Variants in MAGI2 observed in about 807,000 individuals in gnomAD.
MAGI2 encodes the protein membrane associated guanylate kinase, WW and PDZ domain containing 2.
MAGI2 carries 35 observed loss-of-function variants against 133.3 expected under a neutral mutation model. The ratio of observed to expected loss-of-function variants is 0.26; its 90% CI spans 0.20 to 0.35. MAGI2 has a LOEUF of 0.35. MAGI2 is among the 10% of genes least tolerant of loss of function. MAGI2 has a pLI of 1.00. For missense variants in MAGI2, 1,636 were observed against 1,863.4 expected (o/e 0.88, Z 2.25); for synonymous variants, 729 against 710.6 (o/e 1.03, Z -0.41).
At chr7:79,288,918 G>T (rs967488822) in intron 1 of MAGI2, among the ~76,000 whole-genome samples, 3 of 151,964 alleles carry the variant, frequency 2.0e-5, no homozygotes, top group Non-Finnish European at 4.4e-5. Flanking sequence ...GTGCAGTTAT[G>T]GTCCCATAGG....
intron 6 of MAGI2, among the ~76,000 whole-genome samples, chr7:78,383,986 G>T (rs1173562784): frequency 6.6e-6 from 1 of 151,614 alleles, no homozygotes; most frequent in Non-Finnish European, 1.5e-5. Context: ...ATGTTGTTTT[G>T]GTTACCATAC....
chr7:78,450,465 C>G (rs999829172), intron 6 of MAGI2, among the ~76,000 whole-genome samples: 7 of 152,044 alleles, frequency 4.6e-5, no homozygotes, highest in Admixed American at 3.9e-4. Flanking sequence ...CATAATTTTG[C>G]TTTCATTAAT....
intron 1 of MAGI2, among the ~76,000 whole-genome samples, chr7:79,306,746 T>C (rs1417793489): frequency 1.3e-5 from 2 of 152,186 alleles, no homozygotes; most frequent in African/African-American, 2.4e-5. Flanking sequence ...TGAGATTCTA[T>C]GAAGTATTTG....
chr7:79,092,402 T>C (rs1817145369), intron 1 of MAGI2, among the ~76,000 whole-genome samples: 3 of 152,254 alleles, frequency 2.0e-5, no homozygotes, highest in Admixed American at 1.3e-4. Flanking sequence ...ATGATTTTGA[T>C]ATTAAAAACC....
chr7:79,296,804 G>T (rs1395123141), intron 1 of MAGI2, among the ~76,000 whole-genome samples: 1 of 152,114 alleles, frequency 6.6e-6, no homozygotes, highest in Non-Finnish European at 1.5e-5. Flanking sequence ...AGACATTCTG[G>T]TGTTCTACTT....
intron 16 of MAGI2, among the ~76,000 whole-genome samples, chr7:78,154,640 G>T (rs1359335122): frequency 6.6e-6 from 1 of 152,064 alleles, no homozygotes; most frequent in African/African-American, 2.4e-5. Context: ...TGCCATGTGT[G>T]TCTACCTCAT....
intron 1 of MAGI2, among the ~76,000 whole-genome samples, chr7:79,190,418 T>A (rs1000326738): frequency 2.6e-5 from 4 of 151,938 alleles, no homozygotes; most frequent in Non-Finnish European, 5.9e-5. Context: ...CATCTGTATA[T>A]CTTCTTTGTT....
chr7:78,878,249 G>GA (rs1486939644), intron 2 of MAGI2, among the ~76,000 whole-genome samples: 7 of 152,126 alleles, frequency 4.6e-5, no homozygotes, highest in Non-Finnish European at 8.8e-5. Flanking sequence ...CTCATACTTA[G>GA]AAAAAACCTG....
chr7:78,317,622 C>T (rs62463921), intron 9 of MAGI2, among the ~76,000 whole-genome samples: 34,076 of 152,190 alleles, frequency 0.22, 5,057 homozygotes, highest in African/African-American at 0.4. Context: ...TCTCCCAGCA[C>T]AGCATTCGAG....
chr7:79,033,885 T>C (rs73367289), intron 1 of MAGI2, among the ~76,000 whole-genome samples: 1 of 152,186 alleles, frequency 6.6e-6, no homozygotes, highest in Non-Finnish European at 1.5e-5. Context: ...AGTAATTTTA[T>C]ATCTTTGAGT....
At chr7:79,452,831 G>T in intron 1 of MAGI2, 189 bp downstream of exon 1, 1 of 615,368 alleles carries the variant, frequency 1.6e-6, no homozygotes. Flanking sequence ...ACCACAACCT[G>T]CCCCTCCCCT....
intron 1 of MAGI2, among the ~76,000 whole-genome samples, chr7:79,183,734 T>A (rs1448927540): frequency 6.6e-6 from 1 of 151,886 alleles, no homozygotes; most frequent in Admixed American, 6.6e-5. Context: ...CGGAATCAAC[T>A]TAAGTGTCCA....
intron 21 of MAGI2, among the ~76,000 whole-genome samples, chr7:78,040,384 C>T (rs1810690037): frequency 6.6e-6 from 1 of 152,178 alleles, no homozygotes; most frequent in Non-Finnish European, 1.5e-5. Flanking sequence ...CCCTGGCGGC[C>T]CCTGGTCGTG....
Position 78,455,990 on chromosome 7 carries a change from T to C in MAGI2, c.1045+33771A>G, listed in dbSNP as rs965056000. ...AAAGAGACCCACTCGATATTTTCTT[T>C]ACAGCTCTCAGGGCCATCTTTGTCA... On this transcript the variant is annotated intron_variant, in intron 6 of 21. Transcript: ENST00000354212. Among the ~76,000 whole-genome samples the C allele has an allele frequency of 6.6e-4, 99 of 150,632 alleles. 1 individual carries two copies. The highest frequency in any genetic ancestry group is 5.9e-5 in the Non-Finnish European group (4 of 67,822).
At chr7:79,393,689 A>G (rs1195290730) in intron 1 of MAGI2, among the ~76,000 whole-genome samples, 1 of 152,206 alleles carries the variant, frequency 6.6e-6, no homozygotes, top group Non-Finnish European at 1.5e-5. Context: ...TACTTGTTTC[A>G]TATCAATAAT....
At chr7:78,754,218 A>C (rs1823726917) in intron 2 of MAGI2, among the ~76,000 whole-genome samples, 1 of 151,922 alleles carries the variant, frequency 6.6e-6, no homozygotes, top group African/African-American at 2.4e-5. Context: ...TATCTACAAA[A>C]AAATTAGCTG....
chr7:78,975,165 C>T (rs184048009), intron 2 of MAGI2, among the ~76,000 whole-genome samples: 1 of 151,776 alleles, frequency 6.6e-6, no homozygotes, highest in African/African-American at 2.4e-5. Context: ...TCGAATAGCA[C>T]CACGAATCAG....
chr7:79,361,212 G>T (rs1842356174), intron 1 of MAGI2, among the ~76,000 whole-genome samples: 1 of 152,144 alleles, frequency 6.6e-6, no homozygotes, highest in Non-Finnish European at 1.5e-5. Context: ...TTTAATGAAT[G>T]TAATAGAAAC....
At chr7:79,426,048 G>A (rs774234104) in intron 1 of MAGI2, among the ~76,000 whole-genome samples, 3 of 152,108 alleles carry the variant, frequency 2.0e-5, no homozygotes, top group Non-Finnish European at 2.9e-5. Context: ...AACATTATAC[G>A]TATTTGTCTT....
Sources: allele counts gnomAD v4.1 joint callset (sites outside exome capture counted in the v4.1 genomes callset), GRCh38; gene constraint gnomAD v4.1.1; transcripts MANE v1.5; gene names NCBI Gene and HGNC (gene_info 2026-07-23, HGNC 2026-07-21).